SGMS2: variants seen among roughly 807,000 people sequenced by gnomAD.
The protein encoded by SGMS2 is phosphatidylcholine:ceramide cholinephosphotransferase 2.
Under a neutral mutation model 43.8 loss-of-function variants are expected in SGMS2, and 21 were observed. The observed-to-expected ratio is 0.48, with a 90% CI of 0.34 to 0.69. The LOEUF (loss-of-function observed/expected upper bound fraction) is 0.69. Ranked by LOEUF, SGMS2 falls within the 30% of genes least tolerant of loss-of-function variation. The pLI, the probability that SGMS2 is intolerant of heterozygous loss-of-function variation, is 0.01. For missense variants in SGMS2, 384 were observed against 443.2 expected (o/e 0.87, Z 1.20); for synonymous variants, 167 against 160.6 (o/e 1.04, Z -0.30).
intron 2 of SGMS2, among the ~76,000 whole-genome samples, chr4:107,890,034 A>AT (rs1170132691): frequency 1.3e-5 from 2 of 152,148 alleles, no homozygotes; most frequent in Non-Finnish European, 2.9e-5. Flanking sequence ...CTTAAAAAAA[A>AT]TTTTTTTAAA....
chr4:107,830,649 C>G (rs10034978), intron 1 of SGMS2, among the ~76,000 whole-genome samples: 3 of 151,932 alleles, frequency 2.0e-5, no homozygotes, highest in Non-Finnish European at 4.4e-5. Flanking sequence ...GCATTGTTTC[C>G]TATGCTTGTT....
chr4:107,836,069 G>A (rs1317567095), intron 1 of SGMS2, among the ~76,000 whole-genome samples: 2 of 152,186 alleles, frequency 1.3e-5, no homozygotes, highest in Admixed American at 1.3e-4. Flanking sequence ...TATATGTAAT[G>A]TTACCAGTTA....
Position 107,849,276 on chromosome 4 carries a change from A to G in SGMS2, c.-326-9196A>G, listed in dbSNP as rs1263724116. Among the ~76,000 whole-genome samples the G allele has an allele frequency of 3.3e-5, 5 of 152,148 alleles. 1 individual carries two copies. The East Asian group carries it at 9.7e-4, about 29-fold the overall frequency. ...TCTGAGAGCACTCCTGTCCAGCAAA[A>G]CTGACTGCAATGCTGAAATGTTCCA... On this transcript the variant is annotated intron_variant, in intron 1 of 6. Coordinates refer to ENST00000690982, the MANE Select transcript of SGMS2 (RefSeq NM_001375905.1).
chr4:107,832,043 G>A (rs1445589133), intron 1 of SGMS2, among the ~76,000 whole-genome samples: 3 of 152,110 alleles, frequency 2.0e-5, no homozygotes, highest in African/African-American at 4.8e-5. Flanking sequence ...AGTGCTGTGC[G>A]TCTTTCTTTA....
intron 1 of SGMS2, among the ~76,000 whole-genome samples, chr4:107,844,579 T>G (rs550354114): frequency 6.6e-6 from 1 of 152,112 alleles, no homozygotes; most frequent in South Asian, 2.1e-4. Flanking sequence ...TGCACACCTG[T>G]GGTCCCAGCT....
intron 5 of SGMS2, among the ~76,000 whole-genome samples, chr4:107,906,364 T>TG (rs368785408): frequency 0.014 from 2,115 of 152,258 alleles, 53 homozygotes; most frequent in African/African-American, 0.046. Context: ...ATATTATAAT[T>TG]GGGGGGTAGG....
intron 4 of SGMS2, among the ~76,000 whole-genome samples, chr4:107,901,474 G>T (rs1731104961): frequency 6.6e-6 from 1 of 152,148 alleles, no homozygotes; most frequent in South Asian, 2.1e-4. Flanking sequence ...GCAGAACTTT[G>T]TATGTGGAAG....
rs1237141131 is a variant in SGMS2 at position 107,837,563 on chromosome 4, G to A, written c.-327+12310G>A. ...GGACCGAGTTGGGTAGGGCTGGCATGCTTTGTAAGGAGTATTAGTCTTGTT... is the reference window on the plus strand; with the variant it reads ...GGACCGAGTTGGGTAGGGCTGGCATACTTTGTAAGGAGTATTAGTCTTGTT... On this transcript the variant is annotated intron_variant, in intron 1 of 6. Transcript: ENST00000690982. Among the ~76,000 whole-genome samples the A allele has an allele frequency of 2.6e-5, 4 of 152,294 alleles. No homozygotes were observed. The East Asian group carries it at 7.7e-4, about 29-fold the overall frequency.
chr4:107,867,108 G>A (rs6533324), intron 2 of SGMS2: 90,534 of 151,934 alleles, frequency 0.6, 28,305 homozygotes, highest in African/African-American at 0.73. Context: ...TTGAAAGGAG[G>A]TGGAGGCCTG....
rs138971463 is a variant in SGMS2 at position 107,888,392 on chromosome 4, C to A, written c.-244-6918C>A. 1.6e-3 allele frequency among the ~76,000 whole-genome samples: 242 copies of A among 152,230 alleles called. 1 individual carries two copies. The highest frequency in any genetic ancestry group is 5.6e-3 in the African/African-American group (233 of 41,548). On this transcript the variant is annotated intron_variant, in intron 2 of 6. Transcript: ENST00000690982. ...AGCAAACCAAAACTTAATAATATGA[C>A]AACTTGATAATATAAAAGTTTATTT...
At chr4:107,841,454 C>T (rs1231646505) in intron 1 of SGMS2, among the ~76,000 whole-genome samples, 2 of 151,706 alleles carry the variant, frequency 1.3e-5, no homozygotes, top group Admixed American at 6.6e-5. Flanking sequence ...TTTTCAAGCA[C>T]CAATCTTTGC....
At chr4:107,859,245 C>A (rs140314464) in intron 2 of SGMS2, among the ~76,000 whole-genome samples, 10 of 151,922 alleles carry the variant, frequency 6.6e-5, no homozygotes, top group African/African-American at 2.4e-4. Flanking sequence ...TTCATTTGAC[C>A]CTGATGATAG....
At chr4:107,870,111 G>A (rs372240275) in intron 2 of SGMS2, among the ~76,000 whole-genome samples, 2 of 152,282 alleles carry the variant, frequency 1.3e-5, no homozygotes, top group East Asian at 1.9e-4. Flanking sequence ...AAAAGTACTG[G>A]TGATGCCTGC....
chr4:107,875,788 G>T (rs992655073), intron 2 of SGMS2, among the ~76,000 whole-genome samples: 1 of 152,154 alleles, frequency 6.6e-6, no homozygotes, highest in Non-Finnish European at 1.5e-5. Flanking sequence ...TGGCATAAGA[G>T]AATGAAAAAT....
intron 2 of SGMS2, among the ~76,000 whole-genome samples, chr4:107,874,862 G>C (rs1728792457): frequency 6.6e-6 from 1 of 152,082 alleles, no homozygotes; most frequent in African/African-American, 2.4e-5. Context: ...CTTCAGTGAA[G>C]GGTTGGGTTG....
At chr4:107,873,569 T>A (rs1728698808) in intron 2 of SGMS2, 2 of 151,634 alleles carry the variant, frequency 1.3e-5, no homozygotes. Flanking sequence ...AAAATTATAT[T>A]TTATATATTA....
intron 5 of SGMS2, 56 bp from the exon 6 acceptor site, chr4:107,908,509 A>T: frequency 6.5e-7 from 1 of 1,539,264 alleles, no homozygotes; most frequent in Non-Finnish European, 8.9e-7. Context: ...ACAGACTGTA[A>T]TCATTACATT....
chr4:107,827,858 C>T (rs978810507), intron 1 of SGMS2, among the ~76,000 whole-genome samples: 6 of 152,016 alleles, frequency 3.9e-5, no homozygotes, highest in Non-Finnish European at 8.8e-5. Context: ...TGTTGGTGCT[C>T]GCCTGTAGTC....
intron 5 of SGMS2, 71 bp downstream of exon 5, chr4:107,903,457 G>T: frequency 7.0e-7 from 1 of 1,437,992 alleles, no homozygotes. Flanking sequence ...GAAATTGATA[G>T]GAGCCCTTAT....
Sources: gnomAD v4.1 joint callset for allele counts (sites outside exome capture counted in the v4.1 genomes callset) on GRCh38, gnomAD v4.1.1 for gene constraint, MANE v1.5 for transcripts, NCBI Gene and HGNC (gene_info 2026-07-23, HGNC 2026-07-21) for gene names.